Variants in CNTN5 observed in about 807,000 individuals in gnomAD.
CNTN5 encodes contactin-5.
CNTN5 carries 77 observed loss-of-function variants against 129.1 expected under a neutral mutation model. That is an observed-to-expected ratio of 0.60 (90% CI 0.50 to 0.72). CNTN5 has a LOEUF of 0.72. Among genes scored for constraint, CNTN5 ranks in the 30% least tolerant of loss-of-function variants. The pLI, the probability that CNTN5 is intolerant of heterozygous loss-of-function variation, is 0.00. For synonymous variants in CNTN5, 509 were observed against 465.6 expected (o/e 1.09, Z -1.20); for missense variants, 1,478 against 1,328.8 (o/e 1.11, Z -1.75).
chr11:100,180,419 A>C (rs567836428), intron 13 of CNTN5, among the ~76,000 whole-genome samples: 1 of 152,130 alleles, frequency 6.6e-6, no homozygotes, highest in African/African-American at 2.4e-5. Flanking sequence ...AGGCAAAAAC[A>C]AAGACAAACA....
intron 1 of CNTN5, among the ~76,000 whole-genome samples, chr11:99,229,108 A>G (rs1179846641): frequency 2.0e-5 from 3 of 152,032 alleles, no homozygotes; most frequent in Admixed American, 6.6e-5. Flanking sequence ...TCTTCCACGT[A>G]TGAAGTGAGC....
chr11:99,785,094 C>T (rs1945469950), intron 3 of CNTN5, among the ~76,000 whole-genome samples: 1 of 152,070 alleles, frequency 6.6e-6, no homozygotes, highest in Non-Finnish European at 1.5e-5. Context: ...GCTGGGATTA[C>T]AGGCGTGAGC....
chr11:99,068,451 G>A (rs193027419), intron 1 of CNTN5, among the ~76,000 whole-genome samples: 1 of 152,244 alleles, frequency 6.6e-6, no homozygotes, highest in African/African-American at 2.4e-5. Context: ...AGTAGAGAAA[G>A]ATAGCATCTA....
intron 2 of CNTN5, among the ~76,000 whole-genome samples, chr11:99,524,692 A>G (rs1179450067): frequency 6.6e-6 from 1 of 151,892 alleles, no homozygotes; most frequent in Admixed American, 6.6e-5. Context: ...AATCTCAGCT[A>G]CTCGAGAGGC....
At chr11:99,469,715 T>G (rs2135269715) in intron 2 of CNTN5, among the ~76,000 whole-genome samples, 1 of 152,238 alleles carries the variant, frequency 6.6e-6, no homozygotes, top group South Asian at 2.1e-4. Flanking sequence ...CTGTCTATGG[T>G]TTTATTTATA....
intron 3 of CNTN5, among the ~76,000 whole-genome samples, chr11:99,819,318 C>T (rs180985513): frequency 1.5e-3 from 46 of 30,476 alleles, no homozygotes; most frequent in East Asian, 3.4e-3. Flanking sequence ...CCCTCTCCTC[C>T]CCTCCCCTCC....
intron 17 of CNTN5, among the ~76,000 whole-genome samples, chr11:100,270,133 G>A (rs1454226544): frequency 6.6e-6 from 1 of 152,120 alleles, no homozygotes; most frequent in Non-Finnish European, 1.5e-5. Flanking sequence ...AGTGCTGTGA[G>A]ATTTGTCGGG....
chr11:99,242,597 C>T (rs1053655539), intron 1 of CNTN5, among the ~76,000 whole-genome samples: 4 of 152,078 alleles, frequency 2.6e-5, no homozygotes, highest in Admixed American at 2.6e-4. Flanking sequence ...AGGTACTAAG[C>T]ATAGTACACG....
intron 2 of CNTN5, among the ~76,000 whole-genome samples, chr11:99,425,591 C>T (rs1943084782): frequency 3.3e-5 from 5 of 152,220 alleles, no homozygotes; most frequent in South Asian, 4.1e-4. Context: ...ACAGTGCACA[C>T]GCCCAGCCAC....
chr11:99,765,574 G>C (rs2845955), intron 3 of CNTN5, among the ~76,000 whole-genome samples: 79,568 of 150,822 alleles, frequency 0.53, 21,499 homozygotes, highest in East Asian at 0.71. Context: ...TTTCTTTGTA[G>C]TAAGGAACTT....
intron 14 of CNTN5, 101 bp downstream of exon 14, chr11:100,191,354 G>GT (rs1948486479): frequency 4.7e-6 from 4 of 849,280 alleles, no homozygotes; most frequent in Non-Finnish European, 6.6e-6. Context: ...ACTTAAGTGT[G>GT]TGCATGCTTG....
chr11:99,755,504 TTTGCC>T (rs1944377344), intron 3 of CNTN5, among the ~76,000 whole-genome samples: 1 of 152,220 alleles, frequency 6.6e-6, no homozygotes, highest in South Asian at 2.1e-4. Flanking sequence ...TATATGCTTA[TTTGCC>T]ATCTGTATAT....
intron 8 of CNTN5, among the ~76,000 whole-genome samples, chr11:99,988,187 A>G (rs1289820424): frequency 2.6e-5 from 4 of 152,276 alleles, no homozygotes; most frequent in Non-Finnish European, 4.4e-5. Flanking sequence ...TATCTCAAAT[A>G]TGAGTGGTAA....
chr11:99,176,319 A>T (rs1857770950), intron 1 of CNTN5, among the ~76,000 whole-genome samples: 2 of 151,888 alleles, frequency 1.3e-5, no homozygotes. Flanking sequence ...TCTCTGTGCT[A>T]CCTCACTTCC....
chr11:99,878,688 T>C (rs1319402786), intron 6 of CNTN5, among the ~76,000 whole-genome samples: 1 of 151,932 alleles, frequency 6.6e-6, no homozygotes, highest in Non-Finnish European at 1.5e-5. Flanking sequence ...AAACCCCGTC[T>C]CTACTAGAAA....
chr11:99,637,243 G>A (rs1207697775), intron 3 of CNTN5, among the ~76,000 whole-genome samples: 1 of 151,700 alleles, frequency 6.6e-6, no homozygotes, highest in Admixed American at 6.6e-5. Context: ...TATGAGTAAA[G>A]TATGCTAAGC....
At chr11:99,396,421 A>C (rs1346567423) in intron 2 of CNTN5, among the ~76,000 whole-genome samples, 1 of 151,620 alleles carries the variant, frequency 6.6e-6, no homozygotes, top group Admixed American at 6.6e-5. Flanking sequence ...AGCATAATAA[A>C]AAATTATGTT....
At position 99,956,933 on chromosome 11, in the gene CNTN5, TA is replaced by T; in HGVS notation, c.802del (p.Ile268PhefsTer4). The T allele has an allele frequency of 6.2e-7, 1 of 1,613,928 alleles. No individual in the cohort carries two copies. The highest frequency in any genetic ancestry group is 8.5e-7 in the Non-Finnish European group (1 of 1,179,858). ...KVQTSDVGSY[I>X]CLVKNTVTNA... ...TCCAAACATCAGATGTTGGCAGCTA[TA>T]TTTGTCTGGTGAAAAACACAGTGAC... On this transcript the variant is annotated frameshift_variant, in exon 8 of 25. Coordinates refer to ENST00000524871, the MANE Select transcript of CNTN5 (RefSeq NM_014361.4). LOFTEE classifies it high-confidence loss of function.
At chr11:100,071,659 G>A in intron 11 of CNTN5, 46 bp from the exon 12 acceptor site, 2 of 1,437,892 alleles carry the variant, frequency 1.4e-6, no homozygotes, top group South Asian at 1.4e-5. Context: ...TAAAATCCAT[G>A]TTATTTGTTT....
Sources: allele counts gnomAD v4.1 joint callset (sites outside exome capture counted in the v4.1 genomes callset), GRCh38; gene constraint gnomAD v4.1.1; transcripts MANE v1.5; gene names NCBI Gene and HGNC (gene_info 2026-07-23, HGNC 2026-07-21).